The following GNAQ variants were observed in gnomAD, a reference collection of about 807,000 sequenced individuals.
GNAQ encodes the protein guanine nucleotide-binding protein G(q) subunit alpha.
Under a neutral mutation model 43.9 loss-of-function variants are expected in GNAQ, and 8 were observed. The ratio of observed to expected loss-of-function variants is 0.18; its 90% CI spans 0.11 to 0.33. The LOEUF (loss-of-function observed/expected upper bound fraction) is 0.33, where lower values mean the gene tolerates loss of function less well. Ranked by LOEUF, GNAQ falls within the 10% of genes least tolerant of loss-of-function variation. The probability of loss-of-function intolerance (pLI) is 1.00; values close to 1 mark genes in which losing one functional copy is unlikely to be tolerated. For synonymous variants in GNAQ, 155 were observed against 170.7 expected (o/e 0.91, Z 0.71); for missense variants, 158 against 450.8 (o/e 0.35, Z 5.88).
intron 2 of GNAQ, among the ~76,000 whole-genome samples, chr9:77,847,388 A>G (rs1239468085): frequency 1.8e-4 from 28 of 152,220 alleles, no homozygotes; most frequent in Admixed American, 1.8e-3. Context: ...TCCTGTTGCC[A>G]GTGCCACGAA....
At chr9:77,732,595 A>G (rs937934099) in intron 5 of GNAQ, among the ~76,000 whole-genome samples, 7 of 152,122 alleles carry the variant, frequency 4.6e-5, no homozygotes, top group African/African-American at 1.7e-4. Context: ...TGAACTCCTG[A>G]CCTCAAGTGA....
At chr9:77,917,809 G>A (rs77073396) in intron 2 of GNAQ, among the ~76,000 whole-genome samples, 9,713 of 152,194 alleles carry the variant, frequency 0.064, 346 homozygotes, top group African/African-American at 0.081. Context: ...TCTCACCTGG[G>A]CTGAGTCCAA....
chr9:77,747,836 G>A (rs1023381879), intron 5 of GNAQ, among the ~76,000 whole-genome samples: 4 of 152,210 alleles, frequency 2.6e-5, no homozygotes, highest in Admixed American at 6.5e-5. Context: ...TCTGCTCTGC[G>A]CTAGGTGCTT....
intron 1 of GNAQ, among the ~76,000 whole-genome samples, chr9:78,020,956 T>C (rs1823901223): frequency 6.6e-6 from 1 of 152,248 alleles, no homozygotes; most frequent in Non-Finnish European, 1.5e-5. Context: ...TTTTCTTACA[T>C]TTCTCCAGAA....
chr9:77,771,235 A>C (rs1019249050), intron 5 of GNAQ, among the ~76,000 whole-genome samples: 1 of 152,176 alleles, frequency 6.6e-6, no homozygotes, highest in Non-Finnish European at 1.5e-5. Flanking sequence ...GGGGGCCATA[A>C]GGGGATGGGA....
At chr9:77,773,808 T>G (rs1826264622) in intron 5 of GNAQ, among the ~76,000 whole-genome samples, 2 of 152,208 alleles carry the variant, frequency 1.3e-5, no homozygotes, top group Non-Finnish European at 1.5e-5. Flanking sequence ...GAATGGCACA[T>G]ATATTATACT....
intron 5 of GNAQ, among the ~76,000 whole-genome samples, chr9:77,761,310 C>T (rs1259776849): frequency 3.2e-4 from 43 of 132,380 alleles, no homozygotes; most frequent in Non-Finnish European, 4.7e-4. Flanking sequence ...GCCGCCCCAT[C>T]CGGGAGGGAG....
intron 5 of GNAQ, among the ~76,000 whole-genome samples, chr9:77,784,173 T>C (rs1826439944): frequency 6.6e-6 from 1 of 152,132 alleles, no homozygotes; most frequent in Non-Finnish European, 1.5e-5. Flanking sequence ...CAGAGATCCA[T>C]TTTGGTATAT....
intron 2 of GNAQ, among the ~76,000 whole-genome samples, chr9:77,846,331 C>T (rs1053587554): frequency 1.3e-5 from 2 of 152,174 alleles, no homozygotes; most frequent in African/African-American, 2.4e-5. Context: ...AAGCGCTTTC[C>T]GCCTGCTTCA....
chr9:77,837,883 C>G (rs559193412), intron 2 of GNAQ, among the ~76,000 whole-genome samples: 1 of 129,434 alleles, frequency 7.7e-6, no homozygotes, highest in East Asian at 2.3e-4. Context: ...GAGTCTTGCT[C>G]TGTTGCCTGG....
intron 2 of GNAQ, among the ~76,000 whole-genome samples, chr9:77,909,312 G>A (rs923436537): frequency 6.6e-6 from 1 of 152,176 alleles, no homozygotes; most frequent in Non-Finnish European, 1.5e-5. Flanking sequence ...ATCTCATCCT[G>A]TTGCCATCCA....
At chr9:77,763,141 CAAAAAAAA>C (rs34812363) in intron 5 of GNAQ, among the ~76,000 whole-genome samples, 1 of 64,838 alleles carries the variant, frequency 1.5e-5, no homozygotes, top group African/African-American at 3.5e-5. Context: ...AACAAACAAA[CAAAAAAAA>C]AAAAAACAAA....
intron 5 of GNAQ, among the ~76,000 whole-genome samples, chr9:77,736,520 A>G (rs1825578567): frequency 1.3e-5 from 2 of 152,194 alleles, no homozygotes; most frequent in Admixed American, 6.5e-5. Flanking sequence ...TAGTTTCTGC[A>G]TATGCATCAA....
intron 1 of GNAQ, among the ~76,000 whole-genome samples, chr9:78,006,330 G>T (rs1823705745): frequency 6.6e-6 from 1 of 152,010 alleles, no homozygotes; most frequent in Non-Finnish European, 1.5e-5. Context: ...GAAGTATACT[G>T]CCCCCTGCCC....
intron 2 of GNAQ, among the ~76,000 whole-genome samples, chr9:77,842,183 C>T (rs866040767): frequency 2.0e-5 from 3 of 152,216 alleles, no homozygotes; most frequent in African/African-American, 7.2e-5. Context: ...CTCCCATCCC[C>T]TATTCTAGCT....
intron 1 of GNAQ, among the ~76,000 whole-genome samples, chr9:78,020,298 C>G (rs1190409762): frequency 6.6e-6 from 1 of 152,034 alleles, no homozygotes; most frequent in Non-Finnish European, 1.5e-5. Flanking sequence ...GTAATAGATG[C>G]ATTTCTATCA....
At chr9:77,844,760 C>T (rs1390369102) in intron 2 of GNAQ, among the ~76,000 whole-genome samples, 6 of 152,018 alleles carry the variant, frequency 3.9e-5, no homozygotes, top group Admixed American at 3.9e-4. Context: ...GCAACCTCTA[C>T]CTCCCGGGTT....
chr9:77,750,307 G>A (rs1314206790), intron 5 of GNAQ, among the ~76,000 whole-genome samples: 2 of 152,086 alleles, frequency 1.3e-5, no homozygotes, highest in African/African-American at 2.4e-5. Context: ...TTTCTTAAAT[G>A]TAAAATATGA....
At chr9:77,970,230 A>AC (rs1564166294) in intron 1 of GNAQ, among the ~76,000 whole-genome samples, 4 of 151,598 alleles carry the variant, frequency 2.6e-5, no homozygotes, top group African/African-American at 2.4e-5. Flanking sequence ...CACAAAAAAA[A>AC]AAAAACAAAC....
Sources: allele counts gnomAD v4.1 joint callset (sites outside exome capture counted in the v4.1 genomes callset), GRCh38; gene constraint gnomAD v4.1.1; transcripts MANE v1.5; gene names NCBI Gene and HGNC (gene_info 2026-07-23, HGNC 2026-07-21).